GPM6B: variants seen among roughly 807,000 people sequenced by gnomAD.
GPM6B encodes the protein glycoprotein M6B, also known as neuronal membrane glycoprotein M6-b.
In GPM6B, 4 loss-of-function variants were observed where a neutral mutation model predicts 27.2. The observed-to-expected ratio is 0.15, with a 90% CI of 0.07 to 0.34. The LOEUF is 0.34. GPM6B is among the 10% of genes least tolerant of loss of function. The pLI is 1.00. For synonymous variants in GPM6B, 124 were observed against 103.1 expected, an observed-to-expected ratio of 1.20 and a Z score of -1.23; for missense variants, 183 against 261.9, an observed-to-expected ratio of 0.70 and a Z score of 2.08.
At position 13,935,335 on chromosome X, in the gene GPM6B, C is replaced by CAAAA. The variant is rs60400361; in HGVS notation, c.-198+2988_-198+2991dup. Among the ~76,000 whole-genome samples the CAAAA allele has an allele frequency of 8.6e-3, 366 of 42,649 alleles. 22 individuals carry two copies. Among genetic ancestry groups the CAAAA allele is most frequent in the African/African-American group, 0.029 (332 of 11,506 alleles). 37.0% of individuals were successfully genotyped at this position (42,649 alleles called of 115,157 possible). ...GCACCATAGAAATACCCTATCTCTACAAAAAAAAAAAAAAAAAAAAAACTG... is the reference window on the plus strand; with the variant it reads ...GCACCATAGAAATACCCTATCTCTACAAAAAAAAAAAAAAAAAAAAAAAAAACTG... On this transcript the variant is annotated intron_variant, in intron 1 of 6. Transcript: ENST00000398361.
At position 13,771,742 on chromosome X, in the gene GPM6B, G is replaced by A. The variant is rs1237386532; in HGVS notation, c.*1139C>T. 8.9e-6 allele frequency: 1 copy of A among 112,202 alleles called. No homozygotes were observed. The highest frequency in any genetic ancestry group is 1.9e-5 in the Non-Finnish European group (1 of 53,110). 9.2% of individuals were successfully genotyped at this position (112,202 alleles called of 1,213,427 possible). ...TGTTCTGGAACACAATAATGTAAAA[G>A]GCAAGTTTCTTTTGAAAATGGCTTA... On this transcript the variant is annotated 3_prime_UTR_variant, in exon 8 of 8. Transcript: ENST00000316715.
chrX:13,881,503 C>A (rs774156274), intron 1 of GPM6B, among the ~76,000 whole-genome samples: 2 of 103,609 alleles, frequency 1.9e-5, no homozygotes, highest in South Asian at 4.7e-4. Flanking sequence ...CAGAGCAAGA[C>A]CCTGTCACCA....
intron 7 of GPM6B, chrX:13,774,294 A>G (rs2048365010): frequency 3.3e-6 from 3 of 907,601 alleles, no homozygotes; most frequent in Non-Finnish European, 2.7e-6. Flanking sequence ...ACATTATTTT[A>G]AAAAGGATGC....
chrX:13,889,793 T>C (rs1206016162), intron 1 of GPM6B, among the ~76,000 whole-genome samples: 3 of 108,784 alleles, frequency 2.8e-5, no homozygotes, highest in Non-Finnish European at 5.7e-5. Context: ...TCTGTAACCA[T>C]GAAATAACTA....
At chrX:13,893,030 A>G (rs2050201849) in intron 1 of GPM6B, among the ~76,000 whole-genome samples, 1 of 111,884 alleles carries the variant, frequency 8.9e-6, no homozygotes, top group Non-Finnish European at 1.9e-5. Context: ...ACCATGACTC[A>G]AAAACAAATA....
intron 1 of GPM6B, among the ~76,000 whole-genome samples, chrX:13,832,004 A>G (rs1207893669): frequency 8.9e-6 from 1 of 111,915 alleles, no homozygotes; most frequent in African/African-American, 3.2e-5. Flanking sequence ...GAGTTTTAAG[A>G]TTGGTTAAGA....
chrX:13,836,206 T>C (rs2049492801), intron 1 of GPM6B, among the ~76,000 whole-genome samples: 1 of 111,967 alleles, frequency 8.9e-6, no homozygotes. Context: ...TTCACGATGA[T>C]ATCCTTGATC....
At chrX:13,837,490 C>T (rs956181583) in intron 1 of GPM6B, among the ~76,000 whole-genome samples, 36 of 111,382 alleles carry the variant, frequency 3.2e-4, no homozygotes, top group African/African-American at 1.2e-3. Flanking sequence ...GGGGGCTTCA[C>T]GGGTGACTGG....
At chrX:13,802,267 C>T (rs1363592010) in intron 2 of GPM6B, among the ~76,000 whole-genome samples, 1 of 110,326 alleles carries the variant, frequency 9.1e-6, no homozygotes, top group Non-Finnish European at 1.9e-5. Flanking sequence ...AAGTCAGTGT[C>T]CCTACAATCA....
At chrX:13,856,863 C>G (rs1373902239) in intron 1 of GPM6B, among the ~76,000 whole-genome samples, 2 of 110,768 alleles carry the variant, frequency 1.8e-5, no homozygotes, top group African/African-American at 6.6e-5. Flanking sequence ...CCATGCCCAG[C>G]TACTTTTTGT....
chrX:13,929,600 C>G (rs1226501551), intron 1 of GPM6B, among the ~76,000 whole-genome samples: 2 of 111,885 alleles, frequency 1.8e-5, no homozygotes, highest in Non-Finnish European at 3.8e-5. Context: ...TTTTCAATCC[C>G]TCTTACCCTT....
chrX:13,802,409 T>TCA (rs1229040574), intron 2 of GPM6B, among the ~76,000 whole-genome samples: 5 of 111,603 alleles, frequency 4.5e-5, no homozygotes, highest in Admixed American at 9.5e-5. Flanking sequence ...AGCTGATATG[T>TCA]CACACACACA....
intron 1 of GPM6B, among the ~76,000 whole-genome samples, chrX:13,811,207 G>A (rs895834928): frequency 8.9e-6 from 1 of 112,582 alleles, no homozygotes; most frequent in Non-Finnish European, 1.9e-5. Flanking sequence ...ACACAGCTGT[G>A]AGTGGTCATT....
At chrX:13,802,958 A>G (rs1389202874) in intron 2 of GPM6B, among the ~76,000 whole-genome samples, 1 of 111,893 alleles carries the variant, frequency 8.9e-6, no homozygotes, top group Non-Finnish European at 1.9e-5. Context: ...CTATGGCCAG[A>G]GGTGGAATGG....
chrX:13,807,633 C>T lies in GPM6B; in HGVS notation c.181+17G>A. ...CAGTTGACTTGCTATTAGAATTCAC[C>T]CCAAGGCTGTATTTACCTGGACTGC... On this transcript the variant is annotated intron_variant, in intron 2 of 7. Coordinates refer to ENST00000316715, the MANE Select transcript of GPM6B (RefSeq NM_001001995.3). 4 of 1,147,166 alleles carry T rather than the reference C, an allele frequency of 3.5e-6. No homozygotes were observed. The highest frequency in any genetic ancestry group is 2.1e-5 in the South Asian group (1 of 47,308). The allele number at this position is 1,147,166 out of a possible 1,213,427, so 94.5% of individuals were successfully genotyped here. A position where few individuals can be genotyped will look rare whatever the true frequency, so the allele number is the denominator to read the frequency against.
At chrX:13,780,700 T>C (rs766764532) in intron 4 of GPM6B, among the ~76,000 whole-genome samples, 59 of 112,520 alleles carry the variant, frequency 5.2e-4, no homozygotes, top group Admixed American at 1.1e-3. Flanking sequence ...CACACTGTCA[T>C]GGGCAATCCA....
chrX:13,933,274 C>A (rs1569316291), intron 1 of GPM6B, among the ~76,000 whole-genome samples: 1 of 111,731 alleles, frequency 9.0e-6, no homozygotes, highest in Non-Finnish European at 1.9e-5. Flanking sequence ...CAGAAAGAAG[C>A]ATATGAAAAA....
At chrX:13,804,289 C>T in intron 2 of GPM6B, among the ~76,000 whole-genome samples, 1 of 110,672 alleles carries the variant, frequency 9.0e-6, no homozygotes, top group Non-Finnish European at 1.9e-5. Context: ...TCTGGAAGTG[C>T]TCCCTCCAAT....
chrX:13,901,203 G>A (rs902936176), intron 1 of GPM6B, among the ~76,000 whole-genome samples: 9 of 111,511 alleles, frequency 8.1e-5, no homozygotes, highest in Non-Finnish European at 1.7e-4. Flanking sequence ...ATCCACTACT[G>A]CCTCGGCATA....
Sources: allele counts gnomAD v4.1 joint callset (sites outside exome capture counted in the v4.1 genomes callset), GRCh38; gene constraint gnomAD v4.1.1; transcripts MANE v1.5; gene names NCBI Gene and HGNC (gene_info 2026-07-23, HGNC 2026-07-21).